The following CACNA1H variants were observed in gnomAD, a reference collection of about 807,000 sequenced individuals.
CACNA1H encodes the protein voltage-dependent T-type calcium channel subunit alpha-1H.
In CACNA1H, 149 loss-of-function variants were observed where a neutral mutation model predicts 192.5. That is an observed-to-expected ratio of 0.77 (90% CI 0.68 to 0.89). CACNA1H has a LOEUF of 0.89. Among genes scored for constraint, CACNA1H ranks in the 40% least tolerant of loss-of-function variants. The pLI, the probability that CACNA1H is intolerant of heterozygous loss-of-function variation, is 0.00. For synonymous variants in CACNA1H, 2,202 were observed against 1,475.2 expected (o/e 1.49, Z -11.29); for missense variants, 4,257 against 3,423.5 (o/e 1.24, Z -6.08).
intron 11 of CACNA1H, 97 bp from the exon 12 acceptor site, chr16:1,206,007 G>T: frequency 8.4e-7 from 1 of 1,194,742 alleles, no homozygotes. Context: ...AGCACAGGCC[G>T]CTGTGGCTCC....
At chr16:1,210,342 C>A in intron 18 of CACNA1H, 28 bp from the exon 19 acceptor site, 1 of 999,084 alleles carries the variant, frequency 1.0e-6, no homozygotes, top group Non-Finnish European at 1.5e-6. Context: ...CGCCCCGCCC[C>A]ACCTCTCACC....
chr16:1,166,692 G>A (rs1442043340), intron 2 of CACNA1H, among the ~76,000 whole-genome samples: 3 of 152,098 alleles, frequency 2.0e-5, no homozygotes, highest in Non-Finnish European at 4.4e-5. Flanking sequence ...GGGATCCCAC[G>A]TGGTGTGGAC....
chr16:1,154,012 G>A lies in CACNA1H; in HGVS notation c.275G>A (p.Trp92Ter). The A allele has an allele frequency of 7.2e-7, 1 of 1,394,838 alleles. No homozygotes were observed. Among genetic ancestry groups the A allele is most frequent in the Non-Finnish European group, 9.4e-7 (1 of 1,069,180 alleles). The allele number at this position is 1,394,838 out of a possible 1,614,324, so 86.4% of individuals were successfully genotyped here. Residue 92 changes from tryptophan (W) to a stop codon, truncating the protein, a stop_gained, in exon 2 of 35, where the codon TGG becomes TAG. Transcript: ENST00000348261. LOFTEE classifies it high-confidence loss of function. ...CLGQTTRPRS[W>*]CLRLVCNPWF... ...GGTCAGACCACGCGGCCGCGCAGCT[G>A]GTGCCTCCGGCTGGTCTGCAACCCA... is the stretch of plus-strand genomic sequence containing the variant.
intron 2 of CACNA1H, among the ~76,000 whole-genome samples, chr16:1,162,056 G>A (rs1884817247): frequency 6.6e-6 from 1 of 152,180 alleles, no homozygotes; most frequent in African/African-American, 2.4e-5. Flanking sequence ...CACCTCCTGG[G>A]CGTTGGTTTT....
At position 1,210,138 on chromosome 16, in the gene CACNA1H, G is replaced by A. The variant is rs1969252611; in HGVS notation, c.3845+3G>A. 1 of 1,552,950 alleles carries A rather than the reference G, an allele frequency of 6.4e-7. No homozygotes were observed. Among genetic ancestry groups the A allele is most frequent in the Non-Finnish European group, 8.7e-7 (1 of 1,148,406 alleles). ...TACCTCTTCTCCCCACAGAACCGGT[G>A]AGGCGGCCGGGTCAGGAGGCTGCAT... On this transcript the variant is annotated splice_donor_region_variant and intron_variant, in intron 18 of 34. Coordinates refer to ENST00000348261, the MANE Select transcript of CACNA1H (RefSeq NM_021098.3).
intron 2 of CACNA1H, among the ~76,000 whole-genome samples, chr16:1,182,621 G>A (rs1197504341): frequency 5.9e-5 from 9 of 152,196 alleles, no homozygotes; most frequent in African/African-American, 1.9e-4. Context: ...AGGCCCCTGG[G>A]GAGAGGGGCT....
Position 1,201,937 on chromosome 16 carries a change from A to G in CACNA1H, c.1487A>G (p.Gln496Arg). The stretch of plus-strand genomic sequence containing the variant: ...AAGAAGGTGGACCCCAGTGCTGTGC[A>G]AGGCCAGGGTCCCGGGCACCGCCAG... ...WRKKVDPSAV[Q>R]GQGPGHRQRR... The change falls in exon 9 of 35, where the codon CAA (glutamine) becomes CGA (arginine). Residue 496 changes from glutamine (Q) to arginine (R), a missense_variant. Physicochemically the swap from Gln to Arg is conservative, Grantham distance 43. Transcript: ENST00000348261. The G allele has an allele frequency of 6.5e-7, 1 of 1,549,052 alleles. No individual in the cohort carries two copies. Among genetic ancestry groups the G allele is most frequent in the Non-Finnish European group, 8.7e-7 (1 of 1,146,298 alleles).
Position 1,221,007 on chromosome 16 carries a change from T to A in CACNA1H, c.*13T>A, listed in dbSNP as rs1258620109. On this transcript the variant is annotated 3_prime_UTR_variant, in exon 35 of 35. Coordinates refer to ENST00000348261, the MANE Select transcript of CACNA1H (RefSeq NM_021098.3). The stretch of plus-strand genomic sequence containing the variant: ...TGACCCCGTGTAGCTCGGGGCTTGG[T>A]GCCGCCCACGGCTTTGGCCCTGGGG... The A allele has an allele frequency of 1.3e-6, 2 of 1,548,662 alleles. No individual in the cohort carries two copies. Among genetic ancestry groups the A allele is most frequent in the Non-Finnish European group, 1.7e-6 (2 of 1,151,176 alleles).
intron 2 of CACNA1H, among the ~76,000 whole-genome samples, chr16:1,170,504 C>T (rs371618636): frequency 5.9e-5 from 9 of 152,312 alleles, no homozygotes; most frequent in Non-Finnish European, 8.8e-5. Flanking sequence ...CAGTGAAAGA[C>T]GTACCCCGAC....
intron 2 of CACNA1H, among the ~76,000 whole-genome samples, chr16:1,171,042 G>A (rs1165939197): frequency 6.6e-6 from 1 of 152,000 alleles, no homozygotes; most frequent in Non-Finnish European, 1.5e-5. Context: ...CCCATAGCCC[G>A]TCCCTCCCTC....
intron 2 of CACNA1H, among the ~76,000 whole-genome samples, chr16:1,169,034 G>A (rs1223538023): frequency 6.6e-6 from 1 of 152,074 alleles, no homozygotes; most frequent in African/African-American, 2.4e-5. Flanking sequence ...GCGTGGGCTC[G>A]GGTGCTCCAT....
intron 32 of CACNA1H, 27 bp from the exon 33 acceptor site, chr16:1,218,183 C>G (rs757947540): frequency 2.4e-5 from 37 of 1,541,964 alleles, no homozygotes; most frequent in Admixed American, 3.9e-5. Context: ...GGTGTGGACC[C>G]CGGCCCACAG....
At chr16:1,187,394 C>T (rs1966179431) in intron 2 of CACNA1H, among the ~76,000 whole-genome samples, 1 of 152,212 alleles carries the variant, frequency 6.6e-6, no homozygotes, top group Admixed American at 6.5e-5. Context: ...CCCTGCAAGG[C>T]ATGGGGTCCT....
chr16:1,195,774 C>G (rs976754165), intron 4 of CACNA1H, among the ~76,000 whole-genome samples, 152 bp from the exon 5 acceptor site: 1 of 152,168 alleles, frequency 6.6e-6, no homozygotes, highest in Non-Finnish European at 1.5e-5. Flanking sequence ...GCGTTGTGCT[C>G]CTGCTACCTC....
At chr16:1,219,608 G>C (rs1464303383) in intron 34 of CACNA1H, among the ~76,000 whole-genome samples, 2 of 152,230 alleles carry the variant, frequency 1.3e-5, no homozygotes, top group Non-Finnish European at 2.9e-5. Flanking sequence ...CCTACCTCTT[G>C]CTGCCCAGTA....
chr16:1,192,561 C>T (rs1024480772), intron 2 of CACNA1H, among the ~76,000 whole-genome samples: 15 of 152,338 alleles, frequency 9.8e-5, no homozygotes, highest in African/African-American at 3.4e-4. Flanking sequence ...AAGGCCATGC[C>T]GTAGCTTTAG....
chr16:1,211,059 T>C, intron 21 of CACNA1H, 88 bp downstream of exon 21: 1 of 1,554,594 alleles, frequency 6.4e-7, no homozygotes, highest in South Asian at 1.2e-5. Flanking sequence ...AGTCCTGGGC[T>C]GTTCGCAGGC....
intron 2 of CACNA1H, among the ~76,000 whole-genome samples, chr16:1,171,734 C>G (rs1567451834): frequency 6.6e-6 from 1 of 152,196 alleles, no homozygotes; most frequent in Non-Finnish European, 1.5e-5. Flanking sequence ...TCCTGGAGTC[C>G]CTGGAGCTCT....
chr16:1,200,203 G>A, intron 6 of CACNA1H, 53 bp from the exon 7 acceptor site: 3 of 1,456,964 alleles, frequency 2.1e-6, no homozygotes, highest in Non-Finnish European at 1.9e-6. Context: ...CCCCGACTCT[G>A]ACCGTCCCTG....
Sources: gnomAD v4.1 joint callset for allele counts (sites outside exome capture counted in the v4.1 genomes callset) on GRCh38, gnomAD v4.1.1 for gene constraint, MANE v1.5 for transcripts, NCBI Gene and HGNC (gene_info 2026-07-23, HGNC 2026-07-21) for gene names.